The following SIRPD variants were observed in gnomAD, a reference collection of about 807,000 sequenced individuals.
SIRPD encodes signal regulatory protein delta, also known as signal-regulatory protein delta.
In SIRPD, 21 loss-of-function variants were observed where a neutral mutation model predicts 18.0. The observed-to-expected ratio is 1.17, with a 90% confidence interval of 0.83 to 1.68. The LOEUF (loss-of-function observed/expected upper bound fraction) is 1.68, where lower values mean the gene tolerates loss of function less well. SIRPD is among the 40% of genes most tolerant of loss of function. The pLI, the probability that SIRPD is intolerant of heterozygous loss-of-function variation, is 0.00. For synonymous variants in SIRPD, 106 were observed against 92.9 expected (o/e 1.14, Z -0.81); for missense variants, 295 against 238.4 (o/e 1.24, Z -1.56).
chr20:1,547,820 AT>A (rs201300485), intron 2 of SIRPD, among the ~76,000 whole-genome samples: 1 of 152,076 alleles, frequency 6.6e-6, no homozygotes, highest in African/African-American at 2.4e-5. Flanking sequence ...TTCATTTAAC[AT>A]TTTTTTGTAG....
At chr20:1,557,521 A>T in intron 1 of SIRPD, 60 bp downstream of exon 1, 1 of 1,357,818 alleles carries the variant, frequency 7.4e-7, no homozygotes, top group Non-Finnish European at 9.8e-7. Context: ...GGTGAGGGAG[A>T]GTTCACTAAA....
chr20:1,542,120 C>T (rs1297011721), intron 2 of SIRPD, among the ~76,000 whole-genome samples: 3 of 152,170 alleles, frequency 2.0e-5, no homozygotes, highest in Non-Finnish European at 4.4e-5. Context: ...CTTGGCTATA[C>T]GAGCTGTTTT....
chr20:1,539,757 C>T (rs1231320062), intron 2 of SIRPD, among the ~76,000 whole-genome samples: 1 of 152,224 alleles, frequency 6.6e-6, no homozygotes, highest in African/African-American at 2.4e-5. Flanking sequence ...TGAGGAGAAG[C>T]AGCTGCCATG....
intron 2 of SIRPD, among the ~76,000 whole-genome samples, chr20:1,547,670 T>A (rs970964809): frequency 6.6e-6 from 1 of 152,210 alleles, no homozygotes; most frequent in African/African-American, 2.4e-5. Flanking sequence ...GCTTGTCAAT[T>A]TCTACAAAAA....
intron 1 of SIRPD, 54 bp downstream of exon 1, chr20:1,557,527 C>T: frequency 7.1e-7 from 1 of 1,405,446 alleles, no homozygotes; most frequent in Non-Finnish European, 9.4e-7. Context: ...GGAGAGTTCA[C>T]TAAACAGGCA....
chr20:1,549,615 G>A (rs956577359), intron 2 of SIRPD, among the ~76,000 whole-genome samples: 1 of 151,924 alleles, frequency 6.6e-6, no homozygotes, highest in African/African-American at 2.4e-5. Context: ...ACAGGGAAAA[G>A]GTGGGTTTTG....
At chr20:1,540,287 A>G (rs2090965419) in intron 2 of SIRPD, 1 of 455,944 alleles carries the variant, frequency 2.2e-6, no homozygotes, top group South Asian at 1.5e-5. Context: ...CCTTGATTTC[A>G]GTCCAGAGAT....
Position 1,552,781 on chromosome 20 carries a change from A to G in SIRPD, c.74-743T>C, listed in dbSNP as rs1184518860. On this transcript the variant is annotated intron_variant, in intron 1 of 3. Transcript: ENST00000381623. Reference sequence around the variant, plus strand: ...CAAAACCACAGACTGCCTAAGGAGCAGGTTAGAGAGAAAGGGAACTCCTGG... The same window carrying G: ...CAAAACCACAGACTGCCTAAGGAGCGGGTTAGAGAGAAAGGGAACTCCTGG... Among the ~76,000 whole-genome samples, 5 of 152,238 alleles carry G rather than the reference A, an allele frequency of 3.3e-5. No homozygotes were observed. In the East Asian group the frequency reaches 7.8e-4, roughly 24 times the overall value.
chr20:1,534,381 TG>T lies in SIRPD; in HGVS notation c.*43del. On this transcript the variant is annotated 3_prime_UTR_variant, in exon 4 of 4. Coordinates refer to ENST00000381623, the MANE Select transcript of SIRPD (RefSeq NM_178460.3). Reference sequence around the variant, plus strand: ...CTGTCTCCAGGGAGTCAGAAGAGTATGGGGGCTTTTGTTATTTACTTGTACG... The same window carrying T: ...CTGTCTCCAGGGAGTCAGAAGAGTATGGGGCTTTTGTTATTTACTTGTACG... The T allele has an allele frequency of 6.2e-7, 1 of 1,611,742 alleles. No homozygotes were observed. The highest frequency in any genetic ancestry group is 8.5e-7 in the Non-Finnish European group (1 of 1,179,614).
At chr20:1,542,236 T>C (rs913645497) in intron 2 of SIRPD, among the ~76,000 whole-genome samples, 9 of 152,338 alleles carry the variant, frequency 5.9e-5, no homozygotes, top group African/African-American at 1.7e-4. Flanking sequence ...TTGGGCAGTG[T>C]GGCCATTTTC....
At chr20:1,545,624 G>A (rs1436884346) in intron 2 of SIRPD, among the ~76,000 whole-genome samples, 3 of 152,168 alleles carry the variant, frequency 2.0e-5, no homozygotes, top group Admixed American at 6.5e-5. Context: ...CTGTCAATTC[G>A]TCAAACTCAT....
intron 2 of SIRPD, among the ~76,000 whole-genome samples, chr20:1,544,987 G>T (rs924306054): frequency 6.6e-6 from 1 of 152,204 alleles, no homozygotes; most frequent in Non-Finnish European, 1.5e-5. Flanking sequence ...GAGATCTGCT[G>T]TTAGTCTGAT....
rs1180000840 is a variant in SIRPD, at chr20:1,551,700, A to G, written c.412T>C (p.Phe138Leu). 1.2e-5 allele frequency: 19 copies of G among 1,612,048 alleles called. No homozygotes were observed. Among genetic ancestry groups the G allele is most frequent in the Non-Finnish European group, 1.6e-5 (19 of 1,178,568 alleles). Residue 138 changes from phenylalanine (F) to leucine (L), a missense_variant, in exon 2 of 4, where the codon TTT becomes CTT. Transcript: ENST00000381623. Reference protein sequence around the residue: ...EYQSGRGTQVFVTEQNPRPPK... With the variant: ...EYQSGRGTQVLVTEQNPRPPK... ...TAGGAGACATACTCACCAGTAACAAACACCTGAGTGCCCCGACCTGATTGG... is the reference window on the plus strand; with the variant it reads ...TAGGAGACATACTCACCAGTAACAAGCACCTGAGTGCCCCGACCTGATTGG...
In SIRPD at chr20:1,534,383, G is replaced by A; in HGVS notation, c.*42C>T. 6.2e-7 allele frequency: 1 copy of A among 1,611,608 alleles called. No homozygotes were observed. On this transcript the variant is annotated 3_prime_UTR_variant, in exon 4 of 4. Transcript: ENST00000381623. ...GTCTCCAGGGAGTCAGAAGAGTATG[G>A]GGGCTTTTGTTATTTACTTGTACGT...
At chr20:1,541,981 C>T (rs2090973487) in intron 2 of SIRPD, among the ~76,000 whole-genome samples, 1 of 152,124 alleles carries the variant, frequency 6.6e-6, no homozygotes, top group Non-Finnish European at 1.5e-5. Flanking sequence ...GGCCTCAGTT[C>T]TGTTCCATTG....
chr20:1,556,093 G>A (rs2091040152), intron 1 of SIRPD, among the ~76,000 whole-genome samples: 1 of 152,100 alleles, frequency 6.6e-6, no homozygotes, highest in Admixed American at 6.5e-5. Flanking sequence ...GCCAGAAGTT[G>A]CAAAAAAACT....
In SIRPD at chr20:1,551,739, C is replaced by T. The variant is rs935828799; in HGVS notation, c.373G>A (p.Ala125Thr). The change falls in exon 2 of 4, where the codon GCT (alanine) becomes ACT (threonine). Residue 125 changes from alanine to threonine, a missense_variant. Transcript: ENST00000381623. ...YYCVKFIKGR[A>T]IKEYQSGRGT... ...CGACCTGATTGGTACTCCTTGATAGCTCTTCCTTTTATGAACTTCACGCAG... is the reference window on the plus strand; with the variant it reads ...CGACCTGATTGGTACTCCTTGATAGTTCTTCCTTTTATGAACTTCACGCAG... 3 of 1,614,032 alleles carry T rather than the reference C, an allele frequency of 1.9e-6. No homozygotes were observed. The highest frequency in any genetic ancestry group is 2.2e-5 in the South Asian group (2 of 91,080).
rs765162941 is a variant in SIRPD, at chr20:1,537,156, T to C, written c.576A>G (p.Thr192=). Reference sequence around the variant, plus strand: ...GTACCTGAGGGTGGGGGCACTCACCTGTGAGTCCCAGCAGCCGGAGGCAGC... The same window carrying C: ...GTACCTGAGGGTGGGGGCACTCACCCGTGAGTCCCAGCAGCCGGAGGCAGC... The part of the protein sequence containing the change: ...PCCCLRLLGL[T]GLLSK The change falls in exon 3 of 4, where the codon ACA becomes ACG. Residue 192 remains threonine, a splice_region_variant and synonymous_variant. Transcript: ENST00000381623. The C allele has an allele frequency of 1.9e-6, 3 of 1,613,492 alleles. No individual in the cohort carries two copies. The highest frequency in any genetic ancestry group is 2.7e-5 in the African/African-American group (2 of 74,918).
At chr20:1,550,625 T>G (rs889147607) in intron 2 of SIRPD, among the ~76,000 whole-genome samples, 1 of 152,182 alleles carries the variant, frequency 6.6e-6, no homozygotes. Flanking sequence ...ACAGAATCAA[T>G]CAACTCATAT....
Sources: gnomAD v4.1 joint callset for allele counts (sites outside exome capture counted in the v4.1 genomes callset) on GRCh38, gnomAD v4.1.1 for gene constraint, MANE v1.5 for transcripts, NCBI Gene and HGNC (gene_info 2026-07-23, HGNC 2026-07-21) for gene names.